PRKCZ: variants seen among roughly 807,000 people sequenced by gnomAD.
PRKCZ encodes the protein protein kinase C zeta.
In PRKCZ, 33 loss-of-function variants were observed where a neutral mutation model predicts 79.5. The ratio of observed to expected loss-of-function variants is 0.41; its 90% CI spans 0.31 to 0.55. The LOEUF (loss-of-function observed/expected upper bound fraction) is 0.55. Ranked by LOEUF, PRKCZ falls within the 20% of genes least tolerant of loss-of-function variation. The pLI, the probability that PRKCZ is intolerant of heterozygous loss-of-function variation, is 0.19. For synonymous variants in PRKCZ, 342 were observed against 320.9 expected (o/e 1.07, Z -0.70); for missense variants, 578 against 813.5 (o/e 0.71, Z 3.52).
chr1:2,120,466 AT>A (rs1019729423), intron 4 of PRKCZ, among the ~76,000 whole-genome samples: 1 of 151,100 alleles, frequency 6.6e-6, no homozygotes, highest in South Asian at 2.1e-4. Flanking sequence ...TGACCGGCTA[AT>A]TTTTTTTGCA....
upstream of PRKCZ, chr1:2,050,030 C>G (rs1006797440): frequency 6.6e-6 from 1 of 152,352 alleles, no homozygotes; most frequent in Non-Finnish European, 1.5e-5. Context: ...CAGGGGACCC[C>G]TGGACGGCGG....
At position 2,050,668 on chromosome 1, in the gene PRKCZ, G is replaced by C. The variant is rs1254047550; in HGVS notation, c.38G>C (p.Gly13Ala). The C allele has an allele frequency of 2.4e-5, 29 of 1,227,652 alleles. No individual in the cohort carries two copies. Among genetic ancestry groups the C allele is most frequent in the Non-Finnish European group, 2.8e-5 (28 of 985,236 alleles). 76.0% of individuals were successfully genotyped at this position (1,227,652 alleles called of 1,614,324 possible). Residue 13 changes from glycine to alanine, a missense_variant, in exon 1 of 18, where the codon GGC (glycine) becomes GCC (alanine). Physicochemically the swap from Gly to Ala is moderately conservative, Grantham distance 60. Around this residue, in one of 4 missense-constraint regions of PRKCZ, gnomAD observed 228 missense variants for 211.6 expected, o/e 1.08. Coordinates refer to ENST00000378567, the MANE Select transcript of PRKCZ (RefSeq NM_002744.6). Reference protein sequence around the residue: ...SRTGPKMEGSGGRVRLKAHYG... With the variant: ...SRTGPKMEGSAGRVRLKAHYG... ...ACCGGCCCCAAGATGGAAGGGAGCG[G>C]CGGCCGCGTCCGCCTCAAGGCGCAT...
At chr1:2,084,002 C>A (rs3121829) in intron 4 of PRKCZ, among the ~76,000 whole-genome samples, 8 of 151,998 alleles carry the variant, frequency 5.3e-5, no homozygotes, top group Admixed American at 1.3e-4. Flanking sequence ...GAGACCGAAG[C>A]GGGCAGATCA....
chr1:2,089,201 G>A (rs113829003), intron 4 of PRKCZ, among the ~76,000 whole-genome samples: 4,354 of 149,028 alleles, frequency 0.029, 209 homozygotes, highest in African/African-American at 0.1. Context: ...CGAGGTCCCT[G>A]GGCAGAGTTC....
intron 16 of PRKCZ, 93 bp downstream of exon 16, chr1:2,175,406 C>T: frequency 1.0e-6 from 1 of 960,482 alleles, no homozygotes; most frequent in Non-Finnish European, 1.5e-6. Context: ...AATATTCACC[C>T]AACCCCCACC....
At position 2,082,313 on chromosome 1, in the gene PRKCZ, T is replaced by A. The variant is rs752905366; in HGVS notation, c.334+22722T>A. 6 of 450,256 alleles carry A rather than the reference T, an allele frequency of 1.3e-5. No homozygotes were observed. Among genetic ancestry groups the A allele is most frequent in the South Asian group, 9.4e-5 (6 of 63,602 alleles). The allele number at this position is 450,256 out of a possible 1,614,324, so 27.9% of individuals were successfully genotyped here. A position where few individuals can be genotyped will look rare whatever the true frequency, so the allele number is the denominator to read the frequency against. On this transcript the variant is annotated intron_variant, in intron 4 of 17. Transcript: ENST00000378567. This position sits in a 1 kb window ranked among gnomAD's most constrained non-coding sequence, Gnocchi z 4.4. ...AGGAGCTGGGGGCTGCCAGAGCGGCTGTTCAAGATGGACTTGGCAAATCAC... is the reference window on the plus strand; with the variant it reads ...AGGAGCTGGGGGCTGCCAGAGCGGCAGTTCAAGATGGACTTGGCAAATCAC...
At chr1:2,175,378 C>G (rs1685250747) in intron 16 of PRKCZ, 65 bp downstream of exon 16, 22 of 1,354,024 alleles carry the variant, frequency 1.6e-5, no homozygotes, top group Non-Finnish European at 2.0e-5. Context: ...ACCCAACCCC[C>G]ATCCCAACCC....
intron 1 of PRKCZ, among the ~76,000 whole-genome samples, chr1:2,052,739 C>A (rs764698879): frequency 6.6e-6 from 1 of 152,168 alleles, no homozygotes; most frequent in Non-Finnish European, 1.5e-5. Context: ...TTCCAGAAAG[C>A]GGCTGCCAGG....
At chr1:2,096,071 A>T (rs1250875523) in intron 4 of PRKCZ, among the ~76,000 whole-genome samples, 1 of 151,338 alleles carries the variant, frequency 6.6e-6, no homozygotes, top group Admixed American at 6.6e-5. Context: ...GGTCTCCTGC[A>T]GGAGCAGGCA....
At chr1:2,062,031 C>T (rs866844366) in intron 4 of PRKCZ, among the ~76,000 whole-genome samples, 1 of 152,172 alleles carries the variant, frequency 6.6e-6, no homozygotes. Flanking sequence ...CAGAGGCAGA[C>T]GAGGGCAGGA....
chr1:2,155,187 GTGA>G (rs1256232701), intron 9 of PRKCZ, among the ~76,000 whole-genome samples: 1 of 151,930 alleles, frequency 6.6e-6, no homozygotes, highest in Non-Finnish European at 1.5e-5. Context: ...CGTGGTGGTG[GTGA>G]TGAAGATGTT....
upstream of PRKCZ, among the ~76,000 whole-genome samples, chr1:2,048,661 G>A (rs1426447519): frequency 6.6e-6 from 1 of 152,216 alleles, no homozygotes; most frequent in Non-Finnish European, 1.5e-5. Context: ...TCATTAGGAG[G>A]ATGCCTGGGG....
intron 4 of PRKCZ, among the ~76,000 whole-genome samples, chr1:2,101,558 A>G (rs1308678355): frequency 6.6e-6 from 1 of 152,226 alleles, no homozygotes; most frequent in Non-Finnish European, 1.5e-5. Context: ...TGCGGAGACC[A>G]TCAGCCAGTC....
At chr1:2,146,811 T>G (rs34050356) in intron 7 of PRKCZ, among the ~76,000 whole-genome samples, 3,696 of 152,200 alleles carry the variant, frequency 0.024, 65 homozygotes, top group Non-Finnish European at 0.035. Context: ...GCAAAAGAGA[T>G]GCCTCACAAA....
chr1:2,093,033 C>T (rs750748195), intron 4 of PRKCZ, among the ~76,000 whole-genome samples: 3 of 152,248 alleles, frequency 2.0e-5, no homozygotes, highest in East Asian at 1.9e-4. Context: ...TACACCCACA[C>T]GAGGCCGCGG....
intron 9 of PRKCZ, among the ~76,000 whole-genome samples, chr1:2,152,222 G>C (rs547952937): frequency 3.9e-5 from 6 of 152,270 alleles, no homozygotes; most frequent in Non-Finnish European, 8.8e-5. Flanking sequence ...ACATGACATA[G>C]AATTTGCCAT....
chr1:2,070,570 C>T (rs953385792), intron 4 of PRKCZ, among the ~76,000 whole-genome samples: 1 of 152,174 alleles, frequency 6.6e-6, no homozygotes, highest in African/African-American at 2.4e-5. Context: ...TCTCTGGATG[C>T]AAGGGTGGCA....
At chr1:2,097,777 A>C (rs1428400121) in intron 4 of PRKCZ, among the ~76,000 whole-genome samples, 1 of 152,234 alleles carries the variant, frequency 6.6e-6, no homozygotes, top group Non-Finnish European at 1.5e-5. Context: ...CTGCAAAAGA[A>C]ATAGCACTCG....
At chr1:2,158,275 C>T (rs1309409946) in intron 10 of PRKCZ, among the ~76,000 whole-genome samples, 2 of 152,224 alleles carry the variant, frequency 1.3e-5, no homozygotes, top group Non-Finnish European at 2.9e-5. Flanking sequence ...ATTTGAGAAA[C>T]ACAGATCTGA....
Sources: allele counts gnomAD v4.1 joint callset (sites outside exome capture counted in the v4.1 genomes callset), GRCh38; gene constraint gnomAD v4.1.1; regional missense constraint gnomAD v4.1.1; non-coding constraint Gnocchi (gnomAD v3.1); transcripts MANE v1.5; gene names NCBI Gene and HGNC (gene_info 2026-07-23, HGNC 2026-07-21).